Variants in BEST4 observed in about 807,000 individuals in gnomAD.
The protein encoded by BEST4 is bestrophin-4.
A neutral mutation model predicts 47.1 loss-of-function variants in BEST4; 36 were observed. The observed-to-expected ratio is 0.76, with a 90% CI of 0.59 to 1.01. The LOEUF (loss-of-function observed/expected upper bound fraction) is 1.01, where lower values mean the gene tolerates loss of function less well. Among genes scored for constraint, BEST4 ranks in the 50% least tolerant of loss-of-function variants. The probability of loss-of-function intolerance (pLI) is 0.00; values close to 1 mark genes in which losing one functional copy is unlikely to be tolerated. For synonymous variants in BEST4, 250 were observed against 277.8 expected (o/e 0.90, Z 1.00); for missense variants, 550 against 648.6 (o/e 0.85, Z 1.65).
chr1:44,789,515 A>G (rs1047727702), upstream of BEST4, among the ~76,000 whole-genome samples: 2 of 151,982 alleles, frequency 1.3e-5, no homozygotes, highest in Admixed American at 6.6e-5. Flanking sequence ...CCTGACCAAC[A>G]TGGAGAAACC....
chr1:44,792,243 A>G (rs985420936), upstream of BEST4, among the ~76,000 whole-genome samples: 9 of 152,096 alleles, frequency 5.9e-5, no homozygotes, highest in East Asian at 1.7e-3. Flanking sequence ...CCTGACCAAC[A>G]TGGCAAAATC....
Position 44,786,091 on chromosome 1 carries a change from G to C in BEST4, c.619C>G (p.Leu207Val). The C allele has an allele frequency of 1.9e-6, 3 of 1,609,842 alleles. No homozygotes were observed. The highest frequency in any genetic ancestry group is 2.2e-5 in the East Asian group (1 of 44,840). The change falls in exon 4 of 9, where the codon CTC (leucine) becomes GTC (valine). Residue 207 changes from leucine to valine, a missense_variant. Leu to Val is a conservative substitution (Grantham distance 32). Transcript: ENST00000372207. The surrounding 1 kb of genome is among the most constrained non-coding windows in gnomAD (Gnocchi z 4.9). ...RDGRIRDDIA[L>V]CLLLEELNKY... is the part of the protein sequence containing the mutation. ...CCACTCACTTCCAAAAGTAGACAGAGAGCGATATCGTCACGTATTCGCCCG... is the reference window on the plus strand; with the variant it reads ...CCACTCACTTCCAAAAGTAGACAGACAGCGATATCGTCACGTATTCGCCCG...
At position 44,783,904 on chromosome 1, in the gene BEST4, T is replaced by G. The variant is rs1433738747; in HGVS notation, c.*306A>C. On this transcript the variant is annotated 3_prime_UTR_variant, in exon 9 of 9. Transcript: ENST00000372207. The stretch of plus-strand genomic sequence containing the variant: ...ATCCTTCCTTAAGTTTGAGAACCAA[T>G]GGCCTAGCTCCCTGTTGCTGTGAAG... 11 of 294,240 alleles carry G rather than the reference T, an allele frequency of 3.7e-5. No individual in the cohort carries two copies. The highest frequency in any genetic ancestry group is 1.2e-5 in the Non-Finnish European group (2 of 160,302). The allele number at this position is 294,240 out of a possible 1,614,324, so 18.2% of individuals were successfully genotyped here. A position where few individuals can be genotyped will look rare whatever the true frequency, so the allele number is the denominator to read the frequency against.
rs1467900215 is a variant in BEST4, at chr1:44,787,367, C to T, written c.247+5G>A. 1 of 1,613,896 alleles carries T rather than the reference C, an allele frequency of 6.2e-7. No individual in the cohort carries two copies. The highest frequency in any genetic ancestry group is 8.5e-7 in the Non-Finnish European group (1 of 1,179,976). On this transcript the variant is annotated splice_donor_5th_base_variant and intron_variant, in intron 2 of 8. Transcript: ENST00000372207. ...GACACAGGGAAAACTAGAAGGGAGC[C>T]TTACCCAATACAAAGGACAAGGGAA...
Position 44,788,004 on chromosome 1 carries a change from T to C in BEST4, c.-299A>G, listed in dbSNP as rs1480285807. Among the ~76,000 whole-genome samples, 1 of 152,234 alleles carries C rather than the reference T, an allele frequency of 6.6e-6. No homozygotes were observed. The highest frequency in any genetic ancestry group is 1.5e-5 in the Non-Finnish European group (1 of 68,032). On this transcript the variant is annotated 5_prime_UTR_variant, in exon 1 of 9. Coordinates refer to ENST00000372207, the MANE Select transcript of BEST4 (RefSeq NM_153274.3). Reference sequence around the variant, plus strand: ...TGCAGGGCTAGGGATAACCAGATCCTGAACTGCTGCGGACAAGAGACGCAG... The same window carrying C: ...TGCAGGGCTAGGGATAACCAGATCCCGAACTGCTGCGGACAAGAGACGCAG...
downstream of BEST4, among the ~76,000 whole-genome samples, chr1:44,782,738 C>G (rs890002025): frequency 1.3e-5 from 2 of 152,198 alleles, no homozygotes; most frequent in Non-Finnish European, 2.9e-5. Flanking sequence ...ATCCAGTCAA[C>G]TGACCCTGCC....
Position 44,786,060 on chromosome 1 carries a change from C to T in BEST4, c.636+14G>A. The T allele has an allele frequency of 3.1e-6, 5 of 1,592,600 alleles. No individual in the cohort carries two copies. The highest frequency in any genetic ancestry group is 3.4e-6 in the Non-Finnish European group (4 of 1,170,918). On this transcript the variant is annotated intron_variant, in intron 4 of 8. Coordinates refer to ENST00000372207, the MANE Select transcript of BEST4 (RefSeq NM_153274.3). This position sits in a 1 kb window ranked among gnomAD's most constrained non-coding sequence, Gnocchi z 4.9. Reference sequence around the variant, plus strand: ...GGGAGGAGGGCAGATGGGTCTGGTCCTGAGCCCACTCACTTCCAAAAGTAG... The same window carrying T: ...GGGAGGAGGGCAGATGGGTCTGGTCTTGAGCCCACTCACTTCCAAAAGTAG...
Position 44,786,195 on chromosome 1 carries a change from TCAAA to T in BEST4, c.511_514del (p.Phe171ArgfsTer3). On this transcript the variant is annotated frameshift_variant, in exon 4 of 9. Transcript: ENST00000372207. LOFTEE classifies it high-confidence loss of function. The surrounding 1 kb of genome is among the most constrained non-coding windows in gnomAD (Gnocchi z 4.9). Reference sequence around the variant, plus strand: ...CTTGTTGAAGTCGGATTTCAGGCTCTCAAACTTTTTCCTCTCTTCCTGGGACATG... The same window carrying T: ...CTTGTTGAAGTCGGATTTCAGGCTCTCTTTTTCCTCTCTTCCTGGGACATG... The T allele has an allele frequency of 6.2e-7, 1 of 1,613,964 alleles. No homozygotes were observed. Among genetic ancestry groups the T allele is most frequent in the South Asian group, 1.1e-5 (1 of 91,078 alleles).
At chr1:44,785,781 C>T in intron 4 of BEST4, 105 bp from the exon 5 acceptor site, 1 of 1,017,756 alleles carries the variant, frequency 9.8e-7, no homozygotes, top group East Asian at 2.6e-5. Context: ...TCTCATTCTG[C>T]CCTCAGAGGT....
rs147375981 is a variant in BEST4 at position 44,787,438 on chromosome 1, C to T, written c.181G>A (p.Val61Met). ...CAGTACCGGGCCACCTGAGCATACA[C>T]GTACCTCTGCTCCTGGGTCAGCAGC... is the stretch of plus-strand genomic sequence containing the variant. Reference protein sequence around the residue: ...RLLLTQEQRYVYAQVARYCNR... With the variant: ...RLLLTQEQRYMYAQVARYCNR... Residue 61 changes from valine to methionine, a missense_variant, in exon 2 of 9, where the codon GTG becomes ATG. Physicochemically the swap from Val to Met is conservative, Grantham distance 21. Coordinates refer to ENST00000372207, the MANE Select transcript of BEST4 (RefSeq NM_153274.3). 1.7e-4 allele frequency: 267 copies of T among 1,614,182 alleles called. No homozygotes were observed. The highest frequency in any genetic ancestry group is 1.2e-4 in the Admixed American group (7 of 60,028).
In BEST4 at chr1:44,784,892, G is replaced by A; in HGVS notation, c.993+13C>T. ...GGAGCTGCCCTGGACTCCTGATCCT[G>A]ATGCTTGCTCACCTGCAAGTTGCGG... On this transcript the variant is annotated intron_variant, in intron 7 of 8. Coordinates refer to ENST00000372207, the MANE Select transcript of BEST4 (RefSeq NM_153274.3). The surrounding 1 kb of genome is among the most constrained non-coding windows in gnomAD (Gnocchi z 6.2). 1 of 1,614,046 alleles carries A rather than the reference G, an allele frequency of 6.2e-7. No individual in the cohort carries two copies. The highest frequency in any genetic ancestry group is 8.5e-7 in the Non-Finnish European group (1 of 1,179,928).
chr1:44,785,267 G>C lies in BEST4; in HGVS notation c.753C>G (p.Ser251=). Residue 251 remains serine (S), a synonymous_variant, in exon 6 of 9, where the codon TCC becomes TCG. Coordinates refer to ENST00000372207, the MANE Select transcript of BEST4 (RefSeq NM_153274.3). ...TIAVYSFFAL[S]LVGRQFVEPE... ...GCTCCACAAACTGGCGGCCAACCAGGGAGAGGGCAAAGAAAGAGTAGACGG... is the reference window on the plus strand; with the variant it reads ...GCTCCACAAACTGGCGGCCAACCAGCGAGAGGGCAAAGAAAGAGTAGACGG... The C allele has an allele frequency of 6.2e-7, 1 of 1,611,904 alleles. No homozygotes were observed. Among genetic ancestry groups the C allele is most frequent in the Non-Finnish European group, 8.5e-7 (1 of 1,178,936 alleles).
At chr1:44,782,923 A>G (rs146096818), downstream of BEST4, among the ~76,000 whole-genome samples, 320 of 151,762 alleles carry the variant, frequency 2.1e-3, 2 homozygotes, top group African/African-American at 7.1e-3. Context: ...CACAATTCCA[A>G]TGTAGTGCTC....
Position 44,784,832 on chromosome 1 carries a change from G to C in BEST4, c.994-49C>G. 1 of 1,605,392 alleles carries C rather than the reference G, an allele frequency of 6.2e-7. No homozygotes were observed. Among genetic ancestry groups the C allele is most frequent in the Non-Finnish European group, 8.5e-7 (1 of 1,175,066 alleles). On this transcript the variant is annotated intron_variant, in intron 7 of 8. Coordinates refer to ENST00000372207, the MANE Select transcript of BEST4 (RefSeq NM_153274.3). This position sits in a 1 kb window ranked among gnomAD's most constrained non-coding sequence, Gnocchi z 6.2. The stretch of plus-strand genomic sequence containing the variant: ...GATCCTCCTCTCCTCTCCTTCCCAC[G>C]GCCGGGCTGAGAGCTGACCGGGAGA...
upstream of BEST4, among the ~76,000 whole-genome samples, chr1:44,790,367 A>C (rs1651379753): frequency 6.6e-6 from 1 of 152,094 alleles, no homozygotes. Context: ...AGCTCATATA[A>C]AATTTTTTTT....
upstream of BEST4, among the ~76,000 whole-genome samples, chr1:44,791,451 C>T (rs1197926192): frequency 1.3e-5 from 2 of 152,060 alleles, no homozygotes; most frequent in Non-Finnish European, 2.9e-5. Flanking sequence ...GTCTCCCTGA[C>T]AGCTCTACCC....
rs781408099 is a variant in BEST4 at position 44,786,464 on chromosome 1, T to G, written c.480A>C (p.Ala160=). The change falls in exon 3 of 9, where the codon GCA becomes GCC. Residue 160 remains alanine (A), a splice_region_variant and synonymous_variant. Coordinates refer to ENST00000372207, the MANE Select transcript of BEST4 (RefSeq NM_153274.3). The surrounding 1 kb of genome is among the most constrained non-coding windows in gnomAD (Gnocchi z 4.9). ...AGAGGCTCCCGGCGGGCGGCGCACC[T>G]GCGTCCACCACGTGCTCCATGGTGG... is the stretch of plus-strand genomic sequence containing the variant. The part of the protein sequence containing the change: ...RFPTMEHVVD[A]GFMSQEERKK... 7.8e-5 allele frequency: 118 copies of G among 1,515,352 alleles called. No individual in the cohort carries two copies. The highest frequency in any genetic ancestry group is 1.6e-5 in the Non-Finnish European group (18 of 1,129,554). The allele number at this position is 1,515,352 out of a possible 1,614,324, so 93.9% of individuals were successfully genotyped here.
In BEST4 at chr1:44,787,366, C is replaced by T. The variant is rs763602126; in HGVS notation, c.247+6G>A. The T allele has an allele frequency of 6.2e-7, 1 of 1,613,776 alleles. No individual in the cohort carries two copies. The highest frequency in any genetic ancestry group is 8.5e-7 in the Non-Finnish European group (1 of 1,179,910). On this transcript the variant is annotated splice_donor_region_variant and intron_variant, in intron 2 of 8. Coordinates refer to ENST00000372207, the MANE Select transcript of BEST4 (RefSeq NM_153274.3). ...GGACACAGGGAAAACTAGAAGGGAGCCTTACCCAATACAAAGGACAAGGGA... is the reference window on the plus strand; with the variant it reads ...GGACACAGGGAAAACTAGAAGGGAGTCTTACCCAATACAAAGGACAAGGGA...
In BEST4 at chr1:44,785,683, G is replaced by A. The variant is rs1433647788; in HGVS notation, c.637-7C>T. 1.3e-6 allele frequency: 2 copies of A among 1,551,336 alleles called. No homozygotes were observed. The highest frequency in any genetic ancestry group is 2.4e-5 in the East Asian group (1 of 40,942). ...CTCGGTACTTGTTCAGCTCCTGGGG[G>A]AACAGCAGGAACAGGAAGTCAGCAG... On this transcript the variant is annotated splice_region_variant and splice_polypyrimidine_tract_variant and intron_variant, in intron 4 of 8. Coordinates refer to ENST00000372207, the MANE Select transcript of BEST4 (RefSeq NM_153274.3).
Sources: allele counts gnomAD v4.1 joint callset (sites outside exome capture counted in the v4.1 genomes callset), GRCh38; gene constraint gnomAD v4.1.1; non-coding constraint Gnocchi (gnomAD v3.1); transcripts MANE v1.5; gene names NCBI Gene and HGNC (gene_info 2026-07-23, HGNC 2026-07-21).